The following METTL15 variants were observed in gnomAD, a reference collection of about 807,000 sequenced individuals.
METTL15 encodes methyltransferase 15, mitochondrial 12S rRNA N4-cytidine.
In METTL15, 34 loss-of-function variants were observed where a neutral mutation model predicts 38.3. That is an observed-to-expected ratio of 0.89 (90% CI 0.68 to 1.18). METTL15 has a LOEUF of 1.18. Ranked by LOEUF, METTL15 falls within the 50% of genes most tolerant of loss-of-function variation. The pLI is 0.00. For missense variants in METTL15, 438 were observed against 498.4 expected, an observed-to-expected ratio of 0.88 and a Z score of 1.15; for synonymous variants, 162 against 170.9, an observed-to-expected ratio of 0.95 and a Z score of 0.41.
At chr11:28,410,999 C>T (rs1850719600) in intron 5 of METTL15, among the ~76,000 whole-genome samples, 1 of 151,814 alleles carries the variant, frequency 6.6e-6, no homozygotes, top group African/African-American at 2.4e-5. Context: ...ATTTTAAATT[C>T]CGTTTACAAT....
At chr11:28,400,399 C>T (rs1236867704) in intron 5 of METTL15, among the ~76,000 whole-genome samples, 2 of 151,906 alleles carry the variant, frequency 1.3e-5, no homozygotes, top group African/African-American at 2.4e-5. Flanking sequence ...GGACTGACCT[C>T]CCACTCAGAT....
chr11:28,294,673 A>G (rs1044874564), intron 5 of METTL15, among the ~76,000 whole-genome samples: 2 of 152,102 alleles, frequency 1.3e-5, no homozygotes, highest in Non-Finnish European at 2.9e-5. Context: ...ACAAGATCAA[A>G]TCTATTAGTT....
chr11:28,177,532 C>A (rs1225056028), intron 3 of METTL15, among the ~76,000 whole-genome samples: 1 of 151,590 alleles, frequency 6.6e-6, no homozygotes, highest in Non-Finnish European at 1.5e-5. Flanking sequence ...CAATGTAGGC[C>A]CAACATTTAA....
At chr11:28,380,174 T>C (rs1850366706) in intron 5 of METTL15, among the ~76,000 whole-genome samples, 1 of 148,844 alleles carries the variant, frequency 6.7e-6, no homozygotes, top group Admixed American at 6.7e-5. Context: ...TATGCTTTTT[T>C]TTTTTTTTTT....
rs530235030 is a variant in METTL15, at chr11:28,197,790, G to A, written c.271-13272G>A. 2.7e-4 allele frequency among the ~76,000 whole-genome samples: 41 copies of A among 152,176 alleles called. No individual in the cohort carries two copies. The South Asian group carries it at 8.3e-3, about 31-fold the overall frequency. On this transcript the variant is annotated intron_variant, in intron 3 of 6. Coordinates refer to ENST00000407364, the MANE Select transcript of METTL15 (RefSeq NM_001113528.2). ...TATGTATTGATCTGCTTTGATTTGT[G>A]TAAAATTAATGTTACTTGGAGGCCA...
At chr11:28,329,062 ATGTTT>A (rs376705225) in intron 6 of METTL15, among the ~76,000 whole-genome samples, 9 of 152,138 alleles carry the variant, frequency 5.9e-5, no homozygotes, top group African/African-American at 2.2e-4. Context: ...ATTTAGCCTT[ATGTTT>A]TGTTCTGAGA....
At chr11:28,255,841 T>C (rs1854951054) in intron 4 of METTL15, among the ~76,000 whole-genome samples, 1 of 152,158 alleles carries the variant, frequency 6.6e-6, no homozygotes. Context: ...GTGTCTGGGA[T>C]TACAGGCATG....
At chr11:28,121,261 C>A (rs1424617502) in intron 3 of METTL15, among the ~76,000 whole-genome samples, 2 of 152,058 alleles carry the variant, frequency 1.3e-5, no homozygotes, top group Non-Finnish European at 2.9e-5. Context: ...TTCCCCAGCA[C>A]CAGTATAGTG....
At chr11:28,436,320 C>G (rs1850981704) in intron 6 of METTL15, among the ~76,000 whole-genome samples, 1 of 152,210 alleles carries the variant, frequency 6.6e-6, no homozygotes, top group Admixed American at 6.5e-5. Flanking sequence ...ACACCAAATT[C>G]TTTATCAGTT....
intron 3 of METTL15, among the ~76,000 whole-genome samples, chr11:28,158,794 A>G (rs1015030885): frequency 6.6e-6 from 1 of 152,108 alleles, no homozygotes; most frequent in Non-Finnish European, 1.5e-5. Flanking sequence ...CTTCCCCATC[A>G]TCTTGAAGCA....
chr11:28,168,436 T>G (rs1850732172), intron 3 of METTL15, among the ~76,000 whole-genome samples: 1 of 151,942 alleles, frequency 6.6e-6, no homozygotes, highest in Admixed American at 6.6e-5. Context: ...TCTTGTTCTT[T>G]TAGAGCAAAC....
At chr11:28,277,713 A>G (rs1855896351) in intron 4 of METTL15, among the ~76,000 whole-genome samples, 1 of 152,138 alleles carries the variant, frequency 6.6e-6, no homozygotes, top group African/African-American at 2.4e-5. Flanking sequence ...CAAAAAAAAC[A>G]GCAACAAAAA....
chr11:28,279,369 TTAGAG>T (rs1171115604), intron 4 of METTL15, among the ~76,000 whole-genome samples: 10 of 152,196 alleles, frequency 6.6e-5, no homozygotes, highest in African/African-American at 2.2e-4. Context: ...TTTCTTTTAA[TTAGAG>T]TATTTACTTC....
At chr11:28,501,687 A>G (rs988563122) in intron 6 of METTL15, among the ~76,000 whole-genome samples, 1 of 152,134 alleles carries the variant, frequency 6.6e-6, no homozygotes, top group Non-Finnish European at 1.5e-5. Context: ...TGGAATGTCA[A>G]CAGAACTCTC....
At chr11:28,247,939 A>G (rs895483059) in intron 4 of METTL15, among the ~76,000 whole-genome samples, 16 of 152,114 alleles carry the variant, frequency 1.1e-4, no homozygotes, top group African/African-American at 3.4e-4. Flanking sequence ...TAGGGCAGCT[A>G]TAATATTGAT....
chr11:28,241,580 ATTG>A (rs1854300052), intron 4 of METTL15, among the ~76,000 whole-genome samples: 1 of 151,588 alleles, frequency 6.6e-6, no homozygotes. Context: ...AGCAAAGGGG[ATTG>A]GGAACATGGG....
intron 6 of METTL15, among the ~76,000 whole-genome samples, chr11:28,325,412 A>G (rs766397953): frequency 3.9e-5 from 6 of 152,168 alleles, no homozygotes; most frequent in Non-Finnish European, 8.8e-5. Context: ...CATAGGTGCA[A>G]TAGACACACA....
At chr11:28,268,718 A>G (rs906870134) in intron 4 of METTL15, among the ~76,000 whole-genome samples, 2 of 152,190 alleles carry the variant, frequency 1.3e-5, no homozygotes, top group Non-Finnish European at 2.9e-5. Context: ...ATATTCTTAT[A>G]TGAAATAACA....
At chr11:28,283,515 A>G (rs1856134885) in intron 4 of METTL15, among the ~76,000 whole-genome samples, 1 of 152,206 alleles carries the variant, frequency 6.6e-6, no homozygotes, top group Non-Finnish European at 1.5e-5. Flanking sequence ...TCCATGTTCC[A>G]TGTTCAATTC....
Sources: allele counts gnomAD v4.1 joint callset (sites outside exome capture counted in the v4.1 genomes callset), GRCh38; gene constraint gnomAD v4.1.1; transcripts MANE v1.5; gene names NCBI Gene and HGNC (gene_info 2026-07-23, HGNC 2026-07-21).